C8orf88: variants seen among roughly 807,000 people sequenced by gnomAD.
C8orf88 encodes chromosome 8 open reading frame 88, also known as uncharacterized protein C8orf88.
Under a neutral mutation model 18.4 loss-of-function variants are expected in C8orf88, and 14 were observed. The observed-to-expected ratio is 0.76, with a 90% confidence interval of 0.50 to 1.19. The LOEUF is 1.19. C8orf88 is among the 50% of genes most tolerant of loss of function. C8orf88 has a pLI of 0.00. For missense variants in C8orf88, 116 were observed against 134.7 expected, an observed-to-expected ratio of 0.86 and a Z score of 0.69; for synonymous variants, 45 against 42.9, an observed-to-expected ratio of 1.05 and a Z score of -0.19.
chr8:90,984,643 G>A (rs1586168351), intron 1 of C8orf88, among the ~76,000 whole-genome samples: 1 of 152,074 alleles, frequency 6.6e-6, no homozygotes, highest in African/African-American at 2.4e-5. Flanking sequence ...GGCTAAAGCT[G>A]TCCAGGTAAT....
intron 3 of C8orf88, among the ~76,000 whole-genome samples, chr8:90,971,970 C>G (rs941213035): frequency 6.6e-5 from 10 of 152,030 alleles, no homozygotes; most frequent in Admixed American, 2.6e-4. Context: ...GTTTTACAAA[C>G]TTGGTTAATA....
Position 90,971,788 on chromosome 8 carries a change from A to T in C8orf88, c.148-647T>A, listed in dbSNP as rs148700830. Among the ~76,000 whole-genome samples, 896 of 152,064 alleles carry T rather than the reference A, an allele frequency of 5.9e-3. 10 individuals carry two copies. Among genetic ancestry groups the T allele is most frequent in the South Asian group, 0.04 (194 of 4,820 alleles). On this transcript the variant is annotated intron_variant, in intron 3 of 5. Transcript: ENST00000517562. ...ATTTTAAAAATCCATTTTTACCTAA[A>T]TCTTTTTCTTCTGATCCCATGCTCA...
intron 1 of C8orf88, 120 bp from the exon 2 acceptor site, chr8:90,980,581 C>A: frequency 3.9e-6 from 2 of 511,592 alleles, no homozygotes; most frequent in Non-Finnish European, 6.8e-6. Flanking sequence ...GTGGAAAACA[C>A]AAACACAAAA....
At chr8:90,976,118 G>C (rs1361394511) in intron 3 of C8orf88, among the ~76,000 whole-genome samples, 1 of 152,048 alleles carries the variant, frequency 6.6e-6, no homozygotes, top group African/African-American at 2.4e-5. Context: ...GCAAGAAGGA[G>C]GGCAAGGGGT....
At chr8:90,972,151 A>G (rs566080081) in intron 3 of C8orf88, among the ~76,000 whole-genome samples, 2 of 152,188 alleles carry the variant, frequency 1.3e-5, no homozygotes, top group Non-Finnish European at 1.5e-5. Flanking sequence ...GCCATTCCTT[A>G]AATTTCTGTG....
chr8:90,967,500 A>T (rs1811218425), intron 4 of C8orf88, among the ~76,000 whole-genome samples: 1 of 151,746 alleles, frequency 6.6e-6, no homozygotes, highest in Admixed American at 6.6e-5. Flanking sequence ...AGTGTTTAGT[A>T]GACAAGTGTT....
At position 90,978,711 on chromosome 8, in the gene C8orf88, C is replaced by G. The variant is rs1586165897; in HGVS notation, c.74-59G>C. 13 of 1,007,094 alleles carry G rather than the reference C, an allele frequency of 1.3e-5. No individual in the cohort carries two copies. The East Asian group carries it at 3.5e-4, about 27-fold the overall frequency. The allele number at this position is 1,007,094 out of a possible 1,614,324, so 62.4% of individuals were successfully genotyped here. A position where few individuals can be genotyped will look rare whatever the true frequency, so the allele number is the denominator to read the frequency against. On this transcript the variant is annotated intron_variant, in intron 2 of 5. Transcript: ENST00000517562. ...CTATTATTTCAATAAATAATATAAT[C>G]AACTAAAAAGCTTAAGTATCCAAGA...
At chr8:90,981,409 C>A (rs1002777785) in intron 1 of C8orf88, among the ~76,000 whole-genome samples, 7 of 152,164 alleles carry the variant, frequency 4.6e-5, no homozygotes, top group Non-Finnish European at 1.5e-5. Context: ...ATCTCTGCTG[C>A]TCTTCTTCCA....
chr8:90,967,436 A>T (rs1811217357), intron 4 of C8orf88, among the ~76,000 whole-genome samples: 1 of 151,708 alleles, frequency 6.6e-6, no homozygotes. Context: ...TGGAAGTGTT[A>T]CCCCTCTTCA....
At chr8:90,969,179 A>T (rs1316080821) in intron 4 of C8orf88, among the ~76,000 whole-genome samples, 1 of 151,920 alleles carries the variant, frequency 6.6e-6, no homozygotes, top group Non-Finnish European at 1.5e-5. Context: ...TGTCCACAGC[A>T]ATATTATTCA....
intron 5 of C8orf88, among the ~76,000 whole-genome samples, chr8:90,959,771 CT>C (rs1458778316): frequency 6.6e-6 from 1 of 151,270 alleles, no homozygotes; most frequent in Non-Finnish European, 1.5e-5. Flanking sequence ...TCGAACTGTT[CT>C]CAGTATACCT....
At chr8:90,983,937 G>T (rs1187682146) in intron 1 of C8orf88, among the ~76,000 whole-genome samples, 1 of 152,100 alleles carries the variant, frequency 6.6e-6, no homozygotes, top group Non-Finnish European at 1.5e-5. Flanking sequence ...TATTTATAAG[G>T]CCATGCAGAA....
chr8:90,981,949 A>G (rs528084516), intron 1 of C8orf88, among the ~76,000 whole-genome samples: 11 of 152,306 alleles, frequency 7.2e-5, no homozygotes, highest in African/African-American at 2.2e-4. Context: ...TATAAGATAG[A>G]GTTAGTAACC....
At chr8:90,965,974 A>C (rs980475952) in intron 4 of C8orf88, among the ~76,000 whole-genome samples, 3 of 151,810 alleles carry the variant, frequency 2.0e-5, no homozygotes, top group African/African-American at 7.2e-5. Flanking sequence ...ACTAGGAGAA[A>C]AGAGCAAACT....
intron 5 of C8orf88, among the ~76,000 whole-genome samples, chr8:90,959,686 GA>G (rs1033846897): frequency 6.6e-6 from 1 of 151,012 alleles, no homozygotes; most frequent in African/African-American, 2.4e-5. Flanking sequence ...ATAATTTGAG[GA>G]AAAAAATACT....
chr8:90,981,364 G>A (rs971827898), intron 1 of C8orf88, among the ~76,000 whole-genome samples: 5 of 151,952 alleles, frequency 3.3e-5, no homozygotes, highest in Admixed American at 2.6e-4. Flanking sequence ...CCATATATTT[G>A]GACATTCAAG....
chr8:90,977,661 G>A (rs1007970962), intron 3 of C8orf88, among the ~76,000 whole-genome samples: 1 of 152,062 alleles, frequency 6.6e-6, no homozygotes, highest in Admixed American at 6.6e-5. Flanking sequence ...GTATCTAGAG[G>A]CCAGGCACAG....
intron 4 of C8orf88, among the ~76,000 whole-genome samples, chr8:90,963,023 G>A (rs1563551713): frequency 6.6e-6 from 1 of 151,620 alleles, no homozygotes; most frequent in Non-Finnish European, 1.5e-5. Context: ...AACTTGAGAA[G>A]ATCCTAAGCA....
At chr8:90,961,648 C>A (rs912070944) in intron 4 of C8orf88, among the ~76,000 whole-genome samples, 3 of 151,232 alleles carry the variant, frequency 2.0e-5, no homozygotes, top group Non-Finnish European at 4.4e-5. Flanking sequence ...TAGATGGAAA[C>A]TTTACTGTTC....
Sources: gnomAD v4.1 joint callset for allele counts (sites outside exome capture counted in the v4.1 genomes callset) on GRCh38, gnomAD v4.1.1 for gene constraint, MANE v1.5 for transcripts, NCBI Gene and HGNC (gene_info 2026-07-23, HGNC 2026-07-21) for gene names.